The following SMURF1 variants were observed in gnomAD, a reference collection of about 807,000 sequenced individuals.
SMURF1 encodes SMAD specific E3 ubiquitin protein ligase 1, also known as E3 ubiquitin-protein ligase SMURF1.
Under a neutral mutation model 98.0 loss-of-function variants are expected in SMURF1, and 44 were observed. The ratio of observed to expected loss-of-function variants is 0.45; its 90% CI spans 0.35 to 0.58. The LOEUF (loss-of-function observed/expected upper bound fraction) is 0.58. Among genes scored for constraint, SMURF1 ranks in the 20% least tolerant of loss-of-function variants. The pLI is 0.00. For missense variants in SMURF1, 687 were observed against 938.4 expected, an observed-to-expected ratio of 0.73 and a Z score of 3.50; for synonymous variants, 396 against 374.9, an observed-to-expected ratio of 1.06 and a Z score of -0.65.
At chr7:99,101,854 G>A (rs1433444233) in intron 1 of SMURF1, among the ~76,000 whole-genome samples, 1 of 151,444 alleles carries the variant, frequency 6.6e-6, no homozygotes, top group Admixed American at 6.6e-5. Flanking sequence ...AGAATCATTT[G>A]AACAGGGAGG....
chr7:99,037,194 G>A lies in SMURF1; in HGVS notation c.1689-7C>T. 1 of 1,613,934 alleles carries A rather than the reference G, an allele frequency of 6.2e-7. No homozygotes were observed. Among genetic ancestry groups the A allele is most frequent in the South Asian group, 1.1e-5 (1 of 91,068 alleles). Reference sequence around the variant, plus strand: ...CCTCCAGTTTACATACAACCTGGAAGAAAAACTCGCAAGTTGGATGCAACA... The same window carrying A: ...CCTCCAGTTTACATACAACCTGGAAAAAAAACTCGCAAGTTGGATGCAACA... On this transcript the variant is annotated splice_polypyrimidine_tract_variant and splice_region_variant and intron_variant, in intron 14 of 17. Transcript: ENST00000361368.
chr7:99,069,969 A>G (rs1796281333), intron 1 of SMURF1, among the ~76,000 whole-genome samples: 1 of 152,200 alleles, frequency 6.6e-6, no homozygotes, highest in African/African-American at 2.4e-5. Context: ...GGCCATGCCT[A>G]TTGGCTTTGG....
At chr7:99,038,928 T>C (rs1340854200) in intron 13 of SMURF1, among the ~76,000 whole-genome samples, 1 of 151,980 alleles carries the variant, frequency 6.6e-6, no homozygotes, top group East Asian at 1.9e-4. Flanking sequence ...GTACAGCGGC[T>C]TACACCTGTA....
At chr7:99,076,840 T>TGC (rs1491438226) in intron 1 of SMURF1, among the ~76,000 whole-genome samples, 2 of 62,630 alleles carry the variant, frequency 3.2e-5, no homozygotes, top group Non-Finnish European at 1.3e-4. Flanking sequence ...TGCCCATGTG[T>TGC]ATGTGTGTGC....
intron 5 of SMURF1, among the ~76,000 whole-genome samples, chr7:99,055,856 C>G (rs1426897595): frequency 6.6e-6 from 1 of 152,174 alleles, no homozygotes; most frequent in Non-Finnish European, 1.5e-5. Flanking sequence ...ACTCCAGCTA[C>G]TCAGGAGGCT....
At chr7:99,127,427 C>T (rs1214040554) in intron 1 of SMURF1, among the ~76,000 whole-genome samples, 1 of 152,150 alleles carries the variant, frequency 6.6e-6, no homozygotes, top group East Asian at 1.9e-4. Context: ...CCTGGTGGCT[C>T]ACGGCTGTAA....
At chr7:99,063,246 TATATATATATATATATATATATA>T (rs1796088580) in intron 1 of SMURF1, among the ~76,000 whole-genome samples, 2 of 2,856 alleles carry the variant, frequency 7.0e-4, no homozygotes, top group East Asian at 0.019. Context: ...TTTATTTATA[TATATATATATATATATATATATA>T]TATATATATA....
At chr7:99,058,255 C>G (rs1212959389) in intron 3 of SMURF1, among the ~76,000 whole-genome samples, 1 of 151,962 alleles carries the variant, frequency 6.6e-6, no homozygotes, top group African/African-American at 2.4e-5. Flanking sequence ...TCAGCCTCCC[C>G]AGCAGCTGAG....
chr7:99,038,909 C>A (rs188617085), intron 13 of SMURF1, among the ~76,000 whole-genome samples: 8 of 152,004 alleles, frequency 5.3e-5, no homozygotes, highest in Non-Finnish European at 8.8e-5. Flanking sequence ...AAATACTGTG[C>A]CTGGCCAGGT....
At chr7:99,127,363 A>T (rs1003210630) in intron 1 of SMURF1, among the ~76,000 whole-genome samples, 8 of 149,340 alleles carry the variant, frequency 5.4e-5, no homozygotes, top group African/African-American at 1.2e-4. Context: ...GAGGCATTTT[A>T]AAAAAATCTC....
intron 1 of SMURF1, among the ~76,000 whole-genome samples, chr7:99,119,346 A>T (rs185752655): frequency 1.2e-4 from 19 of 152,186 alleles, no homozygotes; most frequent in Non-Finnish European, 2.2e-4. Context: ...CACTGTGTAT[A>T]TATCACCTTC....
intron 1 of SMURF1, among the ~76,000 whole-genome samples, chr7:99,125,525 A>G (rs1339380919): frequency 6.6e-6 from 1 of 152,262 alleles, no homozygotes; most frequent in Non-Finnish European, 1.5e-5. Context: ...ACAGTAACAC[A>G]CTTTGTGAAT....
At position 99,054,841 on chromosome 7, in the gene SMURF1, A is replaced by G. The variant is rs1443760970; in HGVS notation, c.428T>C (p.Ile143Thr). Reference protein sequence around the residue: ...IVVSLQTRDRIGTGGSVVDCR... With the variant: ...IVVSLQTRDRTGTGGSVVDCR... The stretch of plus-strand genomic sequence containing the variant: ...GTCCACCACCGAGCCGCCGGTTCCT[A>G]TTCTGTCTCGTGTCTGTAAACTGAC... The change falls in exon 6 of 18, where the codon ATA becomes ACA. Residue 143 changes from isoleucine (I) to threonine (T), a missense_variant. Ile to Thr is a moderately conservative substitution (Grantham distance 89). Around this residue, in one of 2 missense-constraint regions of SMURF1, gnomAD observed 415 missense variants for 508.4 expected, o/e 0.82. Coordinates refer to ENST00000361368, the MANE Select transcript of SMURF1 (RefSeq NM_181349.3). The G allele has an allele frequency of 5.0e-6, 8 of 1,613,902 alleles. 1 individual carries two copies. Among genetic ancestry groups the G allele is most frequent in the South Asian group, 1.1e-5 (1 of 91,076 alleles).
At chr7:99,112,210 G>A (rs1018828101) in intron 1 of SMURF1, among the ~76,000 whole-genome samples, 2 of 152,184 alleles carry the variant, frequency 1.3e-5, no homozygotes, top group Non-Finnish European at 2.9e-5. Context: ...ACCTCTGGCT[G>A]ACTTTCAGGA....
At chr7:99,090,296 G>A (rs1360296083) in intron 1 of SMURF1, among the ~76,000 whole-genome samples, 1 of 152,164 alleles carries the variant, frequency 6.6e-6, no homozygotes, top group Non-Finnish European at 1.5e-5. Context: ...ATCCTCTACA[G>A]ATTGACCATG....
At chr7:99,142,542 C>T (rs1798150395) in intron 1 of SMURF1, among the ~76,000 whole-genome samples, 1 of 146,366 alleles carries the variant, frequency 6.8e-6, no homozygotes, top group Non-Finnish European at 1.5e-5. Flanking sequence ...GTGGAGGCCT[C>T]GCCAGACAGC....
intron 5 of SMURF1, among the ~76,000 whole-genome samples, chr7:99,056,692 T>A (rs999847072): frequency 4.6e-5 from 7 of 152,182 alleles, no homozygotes; most frequent in Non-Finnish European, 7.3e-5. Context: ...CGAGTCATTT[T>A]TACTCAACTT....
At position 99,112,988 on chromosome 7, in the gene SMURF1, TA is replaced by T. The variant is rs201175991; in HGVS notation, c.55+30737del. 8.6e-3 allele frequency among the ~76,000 whole-genome samples: 1,306 copies of T among 151,740 alleles called. 21 individuals carry two copies. Among genetic ancestry groups the T allele is most frequent in the African/African-American group, 0.03 (1,228 of 41,438 alleles). Reference sequence around the variant, plus strand: ...GGTTTTCTGGCTTGATGAACAGAAATAAAAAAAAATTTTTTTTAAATAAAGA... The same window carrying T: ...GGTTTTCTGGCTTGATGAACAGAAATAAAAAAAATTTTTTTTAAATAAAGA... On this transcript the variant is annotated intron_variant, in intron 1 of 17. Transcript: ENST00000361368.
chr7:99,056,466 C>T (rs1000387545), intron 5 of SMURF1, among the ~76,000 whole-genome samples: 1 of 152,136 alleles, frequency 6.6e-6, no homozygotes, highest in African/African-American at 2.4e-5. Flanking sequence ...ATAATGCAGT[C>T]CCCTGACTGT....
Sources: allele counts gnomAD v4.1 joint callset (sites outside exome capture counted in the v4.1 genomes callset), GRCh38; gene constraint gnomAD v4.1.1; regional missense constraint gnomAD v4.1.1; transcripts MANE v1.5; gene names NCBI Gene and HGNC (gene_info 2026-07-23, HGNC 2026-07-21).